Variants in FLNB observed in about 807,000 individuals in gnomAD.
FLNB encodes the protein filamin-B.
FLNB carries 111 observed loss-of-function variants against 250.6 expected under a neutral mutation model. That is an observed-to-expected ratio of 0.44 (90% CI 0.38 to 0.52). FLNB has a LOEUF of 0.52. Among genes scored for constraint, FLNB ranks in the 20% least tolerant of loss-of-function variants. FLNB has a pLI of 0.00. For synonymous variants in FLNB, 1,302 were observed against 1,372.1 expected, an observed-to-expected ratio of 0.95 and a Z score of 1.13; for missense variants, 2,869 against 3,447.8, an observed-to-expected ratio of 0.83 and a Z score of 4.20.
In FLNB at chr3:58,132,838, A is replaced by G. The variant is rs1427922191; in HGVS notation, c.4421A>G (p.Asn1474Ser). ...GLVEPVNVVDNGDGTHTVTYT... is the reference protein window; with the variant it reads ...GLVEPVNVVDSGDGTHTVTYT... ...GTGGAGCCAGTGAACGTGGTGGACAATGGAGATGGCACACACACAGTAACC... is the reference window on the plus strand; with the variant it reads ...GTGGAGCCAGTGAACGTGGTGGACAGTGGAGATGGCACACACACAGTAACC... Residue 1474 changes from asparagine (N) to serine (S), a missense_variant, in exon 26 of 46, where the codon AAT (asparagine) becomes AGT (serine). Asn to Ser is a conservative substitution (Grantham distance 46). Transcript: ENST00000295956. The G allele has an allele frequency of 1.2e-6, 2 of 1,614,038 alleles. No homozygotes were observed. The highest frequency in any genetic ancestry group is 1.3e-5 in the African/African-American group (1 of 75,004).
intron 21 of FLNB, 145 bp from the exon 22 acceptor site, chr3:58,124,187 T>G: frequency 1.2e-6 from 1 of 830,886 alleles, no homozygotes; most frequent in South Asian, 1.4e-5. Flanking sequence ...GGGTTAATAT[T>G]CTTGATTTGA....
In FLNB at chr3:58,123,340, C is replaced by T. The variant is rs147522079; in HGVS notation, c.3374C>T (p.Ala1125Val). ...EVHIPGSPFK[A>V]DIEMPFDPSK... Reference sequence around the variant, plus strand: ...CACATACCTGGGTCTCCCTTCAAAGCTGACATTGAAATGCCCTTTGACCCC... The same window carrying T: ...CACATACCTGGGTCTCCCTTCAAAGTTGACATTGAAATGCCCTTTGACCCC... The change falls in exon 21 of 46, where the codon GCT becomes GTT. Residue 1125 changes from alanine to valine, a missense_variant. Ala to Val is a moderately conservative substitution (Grantham distance 64, BLOSUM62 0). Around this residue, in one of 5 missense-constraint regions of FLNB, gnomAD observed 1,348 missense variants for 1,466.7 expected, o/e 0.92. Transcript: ENST00000295956. 4 of 1,614,056 alleles carry T rather than the reference C, an allele frequency of 2.5e-6. No homozygotes were observed. The highest frequency in any genetic ancestry group is 2.7e-5 in the African/African-American group (2 of 74,904).
intron 24 of FLNB, among the ~76,000 whole-genome samples, chr3:58,127,981 A>G (rs2097300667): frequency 2.0e-5 from 3 of 152,280 alleles, no homozygotes; most frequent in Admixed American, 1.3e-4. Context: ...TGGTGTGGAC[A>G]GAAGACCGAG....
At chr3:58,112,461 T>C in intron 18 of FLNB, 143 bp downstream of exon 18, 1 of 803,138 alleles carries the variant, frequency 1.2e-6, no homozygotes, top group South Asian at 1.5e-5. Context: ...CCTGGCACTT[T>C]GAACCCCTCT....
chr3:58,057,235 C>T (rs994075999), intron 1 of FLNB, among the ~76,000 whole-genome samples: 8 of 152,190 alleles, frequency 5.3e-5, no homozygotes, highest in African/African-American at 1.9e-4. Flanking sequence ...TTTGGCCTCC[C>T]AACATACCGG....
Position 58,153,781 on chromosome 3 carries a change from A to G in FLNB, c.6634+140A>G, listed in dbSNP as rs113466094. The stretch of plus-strand genomic sequence containing the variant: ...TTAAGGGCATTATTTAAAACAAGGC[A>G]TCATGACTAAGTCTGGCACAGTTTG... On this transcript the variant is annotated intron_variant, in intron 39 of 45. Transcript: ENST00000295956. 4.0e-6 allele frequency: 4 copies of G among 1,005,102 alleles called. No individual in the cohort carries two copies. The African/African-American group carries it at 6.4e-5, about 16-fold the overall frequency. The allele number at this position is 1,005,102 out of a possible 1,614,324, so 62.3% of individuals were successfully genotyped here. A position where few individuals can be genotyped will look rare whatever the true frequency, so the allele number is the denominator to read the frequency against.
At chr3:58,151,806 TGTGGGCTGGATGCCCAGGA>T (rs2097345540) in intron 38 of FLNB, among the ~76,000 whole-genome samples, 1 of 152,242 alleles carries the variant, frequency 6.6e-6, no homozygotes, top group African/African-American at 2.4e-5. Context: ...GTGCTCAGGC[TGTGGGCTGGATGCCCAGGA>T]GTGGGCTGGG....
rs1441986651 is a variant in FLNB at position 58,170,725 on chromosome 3, A to G, written c.7772A>G (p.His2591Arg). ...CTGGCTGTGAAGTGGGGGGAGGAACACATCCCTGGCAGCCCTTTTCATGTC... is the reference window on the plus strand; with the variant it reads ...CTGGCTGTGAAGTGGGGGGAGGAACGCATCCCTGGCAGCCCTTTTCATGTC... ...YVLAVKWGEE[H>R]IPGSPFHVTV... The change falls in exon 46 of 46, where the codon CAC (histidine) becomes CGC (arginine). Residue 2591 changes from histidine to arginine, a missense_variant. His to Arg is a conservative substitution (Grantham distance 29). Transcript: ENST00000295956. 2 of 1,614,158 alleles carry G rather than the reference A, an allele frequency of 1.2e-6. No individual in the cohort carries two copies. The highest frequency in any genetic ancestry group is 1.7e-5 in the Admixed American group (1 of 60,018).
intron 25 of FLNB, 29 bp from the exon 26 acceptor site, chr3:58,132,779 C>A (rs1173390027): frequency 6.2e-7 from 1 of 1,614,022 alleles, no homozygotes; most frequent in Non-Finnish European, 8.5e-7. Flanking sequence ...GGCCAGGCAG[C>A]TCCTTAAACC....
chr3:58,082,466 T>A (rs1411421720), intron 4 of FLNB, among the ~76,000 whole-genome samples: 1 of 152,078 alleles, frequency 6.6e-6, no homozygotes, highest in Non-Finnish European at 1.5e-5. Context: ...TTATTTCTCA[T>A]TTTTCATAAT....
At chr3:58,099,766 C>G (rs1163392939) in intron 8 of FLNB, among the ~76,000 whole-genome samples, 1 of 152,120 alleles carries the variant, frequency 6.6e-6, no homozygotes, top group Non-Finnish European at 1.5e-5. Context: ...ACTTCCTTGC[C>G]AGTTCTTTGT....
rs552628272 is a variant in FLNB at position 58,041,241 on chromosome 3, A to G, written c.292+32385A>G. On this transcript the variant is annotated intron_variant, in intron 1 of 45. Coordinates refer to ENST00000295956, the MANE Select transcript of FLNB (RefSeq NM_001457.4). ...TTCTTTTTGCTTTCAGTATCACTTTATGATATTACAATGAGCTTGCAGTAT... is the reference window on the plus strand; with the variant it reads ...TTCTTTTTGCTTTCAGTATCACTTTGTGATATTACAATGAGCTTGCAGTAT... Among the ~76,000 whole-genome samples the G allele has an allele frequency of 4.0e-4, 61 of 152,338 alleles. No homozygotes were observed. The South Asian group carries it at 0.012, about 31-fold the overall frequency.
chr3:58,043,916 G>A (rs1012018443), intron 1 of FLNB, among the ~76,000 whole-genome samples: 6 of 152,180 alleles, frequency 3.9e-5, no homozygotes, highest in African/African-American at 1.4e-4. Context: ...TCCTGCAGCA[G>A]GGCCTCAGGA....
chr3:58,088,063 T>C (rs1313743614), intron 4 of FLNB, among the ~76,000 whole-genome samples: 1 of 118,944 alleles, frequency 8.4e-6, no homozygotes, highest in African/African-American at 3.2e-5. Flanking sequence ...TTTTTTTTGC[T>C]GAAGTTTCAC....
Position 58,144,607 on chromosome 3 carries a change from G to A in FLNB, c.5425+994G>A, listed in dbSNP as rs376628187. Among the ~76,000 whole-genome samples, 46 of 152,320 alleles carry A rather than the reference G, an allele frequency of 3.0e-4. No homozygotes were observed. In the South Asian group the frequency reaches 4.1e-3, roughly 14 times the overall value. On this transcript the variant is annotated intron_variant, in intron 32 of 45. Transcript: ENST00000295956. Reference sequence around the variant, plus strand: ...CTCACACTCACAAAGATGTATCTGTGAGATTTAGTTACCAGAGGAGGCAAT... The same window carrying A: ...CTCACACTCACAAAGATGTATCTGTAAGATTTAGTTACCAGAGGAGGCAAT...
chr3:58,057,203 T>C (rs1019824477), intron 1 of FLNB, among the ~76,000 whole-genome samples: 2 of 152,274 alleles, frequency 1.3e-5, no homozygotes, highest in South Asian at 2.1e-4. Flanking sequence ...CCTGAACTCC[T>C]GAGCTCAAGC....
intron 18 of FLNB, among the ~76,000 whole-genome samples, chr3:58,117,327 A>C (rs1303764113): frequency 6.6e-6 from 1 of 152,010 alleles, no homozygotes; most frequent in African/African-American, 2.4e-5. Context: ...TTCATTTTCT[A>C]TCTGAGTTTT....
rs182675441 is a variant in FLNB, at chr3:58,034,152, C to T, written c.292+25296C>T. Among the ~76,000 whole-genome samples, 8 of 152,296 alleles carry T rather than the reference C, an allele frequency of 5.3e-5. No individual in the cohort carries two copies. In the East Asian group the frequency reaches 1.4e-3, roughly 26 times the overall value. Reference sequence around the variant, plus strand: ...CAGGGATTATAGGTGTGAGCCACCACGCCTGGCCGGGTGGTTTCTAAATAA... The same window carrying T: ...CAGGGATTATAGGTGTGAGCCACCATGCCTGGCCGGGTGGTTTCTAAATAA... On this transcript the variant is annotated intron_variant, in intron 1 of 45. Coordinates refer to ENST00000295956, the MANE Select transcript of FLNB (RefSeq NM_001457.4).
intron 34 of FLNB, among the ~76,000 whole-genome samples, chr3:58,147,692 C>T (rs2097337896): frequency 1.3e-5 from 2 of 152,238 alleles, no homozygotes; most frequent in Admixed American, 1.3e-4. Flanking sequence ...CAGAGTCTCA[C>T]TCTATCACCC....
Sources: allele counts gnomAD v4.1 joint callset (sites outside exome capture counted in the v4.1 genomes callset), GRCh38; gene constraint gnomAD v4.1.1; regional missense constraint gnomAD v4.1.1; transcripts MANE v1.5; gene names NCBI Gene and HGNC (gene_info 2026-07-23, HGNC 2026-07-21).